The following MTCL1 variants were observed in gnomAD, a reference collection of about 807,000 sequenced individuals.
The protein encoded by MTCL1 is microtubule cross-linking factor 1.
Under a neutral mutation model 141.4 loss-of-function variants are expected in MTCL1, and 79 were observed. That is an observed-to-expected ratio of 0.56 (90% CI 0.47 to 0.67). The LOEUF (loss-of-function observed/expected upper bound fraction) is 0.67. Ranked by LOEUF, MTCL1 falls within the 30% of genes least tolerant of loss-of-function variation. The pLI is 0.00. For missense variants in MTCL1, 2,177 were observed against 2,113.9 expected (o/e 1.03, Z -0.59); for synonymous variants, 914 against 875.8 (o/e 1.04, Z -0.77).
chr18:8,763,416 A>G (rs1178190042), intron 4 of MTCL1, among the ~76,000 whole-genome samples: 2 of 152,206 alleles, frequency 1.3e-5, no homozygotes, highest in African/African-American at 4.8e-5. Context: ...TTCCAATTGG[A>G]TGCCAGTTCA....
At chr18:8,755,749 C>T (rs747523423) in intron 4 of MTCL1, among the ~76,000 whole-genome samples, 3 of 152,198 alleles carry the variant, frequency 2.0e-5, no homozygotes, top group Non-Finnish European at 4.4e-5. Flanking sequence ...GGGAGTGGGG[C>T]ACGGAGGAGG....
chr18:8,795,607 A>T (rs1044875491), intron 8 of MTCL1, among the ~76,000 whole-genome samples: 2 of 152,214 alleles, frequency 1.3e-5, no homozygotes, highest in Non-Finnish European at 2.9e-5. Context: ...CCTAAGAGAT[A>T]TGCACATCTA....
intron 4 of MTCL1, among the ~76,000 whole-genome samples, chr18:8,751,124 A>G (rs534577860): frequency 3.9e-5 from 6 of 152,326 alleles, no homozygotes; most frequent in East Asian, 1.9e-4. Context: ...TTTTCCGCAC[A>G]TGGACTGTGT....
chr18:8,742,960 T>C (rs1322707726), intron 4 of MTCL1, among the ~76,000 whole-genome samples: 1 of 152,236 alleles, frequency 6.6e-6, no homozygotes. Flanking sequence ...AGGTTGGCAA[T>C]AGAAGTTATT....
chr18:8,744,852 A>G lies in MTCL1; in HGVS notation c.357+24356A>G, dbSNP rs138925381. Among the ~76,000 whole-genome samples, 244 of 152,282 alleles carry G rather than the reference A, an allele frequency of 1.6e-3. 1 individual carries two copies. The highest frequency in any genetic ancestry group is 5.1e-3 in the African/African-American group (212 of 41,566). On this transcript the variant is annotated intron_variant, in intron 4 of 16. Coordinates refer to ENST00000359865, the Ensembl canonical transcript of MTCL1. ...CCAAACTTCTCTATGAGAGTCCTCC[A>G]TCCTGCCCTCCACCCCCCGGAAGTT...
intron 4 of MTCL1, among the ~76,000 whole-genome samples, chr18:8,774,854 CTG>C (rs1173168267): frequency 6.6e-6 from 1 of 152,138 alleles, no homozygotes; most frequent in Non-Finnish European, 1.5e-5. Flanking sequence ...TGAATGGAGT[CTG>C]TGAATGGAGG....
chr18:8,807,756 C>CA (rs2076348658), intron 11 of MTCL1, among the ~76,000 whole-genome samples: 1 of 152,150 alleles, frequency 6.6e-6, no homozygotes, highest in South Asian at 2.1e-4. Flanking sequence ...CATTGAATGT[C>CA]ATGTGACTTC....
At chr18:8,818,265 A>G (rs572282228) in intron 12 of MTCL1, among the ~76,000 whole-genome samples, 2 of 149,610 alleles carry the variant, frequency 1.3e-5, no homozygotes, top group African/African-American at 2.5e-5. Flanking sequence ...TTCTAACTCC[A>G]GGTGGCCCTG....
At chr18:8,816,654 C>A (rs934275569) in intron 12 of MTCL1, among the ~76,000 whole-genome samples, 1 of 152,182 alleles carries the variant, frequency 6.6e-6, no homozygotes, top group Non-Finnish European at 1.5e-5. Context: ...ATTCATTCTC[C>A]TTCCAGTAAC....
intron 4 of MTCL1, among the ~76,000 whole-genome samples, chr18:8,725,523 A>G (rs1197174935): frequency 2.0e-5 from 3 of 152,232 alleles, no homozygotes; most frequent in African/African-American, 4.8e-5. Context: ...TAACAAAGTA[A>G]TGCTTAACTT....
intron 6 of MTCL1, 143 bp downstream of exon 5, chr18:8,784,986 C>T (rs898723771): frequency 1.1e-4 from 62 of 563,002 alleles, no homozygotes; most frequent in Admixed American, 3.3e-4. Context: ...CCGGGGCAAC[C>T]GGATCCTCTC....
exon 12 of MTCL1, chr18:8,813,072 C>G: frequency 6.2e-7 from 1 of 1,614,228 alleles, no homozygotes; most frequent in East Asian, 2.2e-5. Flanking sequence ...GCACCAGAAG[C>G]TCCTGGCAGA....
intron 10 of MTCL1, 54 bp from the exon 10 acceptor site, chr18:8,806,839 A>T: frequency 6.5e-7 from 1 of 1,540,586 alleles, no homozygotes; most frequent in Non-Finnish European, 8.8e-7. Flanking sequence ...TCCTCTTCTG[A>T]CCTAAAAAAT....
intron 4 of MTCL1, among the ~76,000 whole-genome samples, chr18:8,772,081 TGAG>T (rs1282456227): frequency 6.6e-6 from 1 of 152,242 alleles, no homozygotes; most frequent in East Asian, 1.9e-4. Context: ...AGGTGGCCAT[TGAG>T]GAGCCTGCGT....
chr18:8,747,065 G>A (rs1598472273), intron 4 of MTCL1, among the ~76,000 whole-genome samples: 1 of 152,112 alleles, frequency 6.6e-6, no homozygotes, highest in South Asian at 2.1e-4. Context: ...GTGTTGGCCC[G>A]GCTCTTCCAG....
chr18:8,751,321 A>G (rs572721214), intron 4 of MTCL1, among the ~76,000 whole-genome samples: 1 of 152,266 alleles, frequency 6.6e-6, no homozygotes, highest in South Asian at 2.1e-4. Flanking sequence ...GTCTGTTTTA[A>G]GTTTTGCATG....
At chr18:8,775,427 G>A (rs570827) in intron 4 of MTCL1, among the ~76,000 whole-genome samples, 2 of 137,900 alleles carry the variant, frequency 1.5e-5, no homozygotes, top group African/African-American at 5.7e-5. Flanking sequence ...AAAAAAAAAA[G>A]CTGCGCATGG....
At chr18:8,744,183 G>A (rs918870264) in intron 4 of MTCL1, among the ~76,000 whole-genome samples, 1 of 152,260 alleles carries the variant, frequency 6.6e-6, no homozygotes, top group Non-Finnish European at 1.5e-5. Context: ...ACTGGCAGCT[G>A]CCCGGGCCCA....
At chr18:8,825,091 A>G (rs754981526) in exon 15 of MTCL1, 33 of 1,608,446 alleles carry the variant, frequency 2.1e-5, no homozygotes, top group Non-Finnish European at 2.6e-5. Context: ...CGCGTGTTAC[A>G]CAGCCCGCCT....
Sources: gnomAD v4.1 joint callset for allele counts (sites outside exome capture counted in the v4.1 genomes callset) on GRCh38, gnomAD v4.1.1 for gene constraint, MANE v1.5 for transcripts, NCBI Gene and HGNC (gene_info 2026-07-23, HGNC 2026-07-21) for gene names.